The following MYCBP2 variants were observed in gnomAD, a reference collection of about 807,000 sequenced individuals.
MYCBP2 encodes the protein E3 ubiquitin-protein ligase MYCBP2.
MYCBP2 carries 120 observed loss-of-function variants against 525.3 expected under a neutral mutation model. The ratio of observed to expected loss-of-function variants is 0.23; its 90% CI spans 0.20 to 0.27. The LOEUF (loss-of-function observed/expected upper bound fraction) is 0.27. MYCBP2 is among the 10% of genes least tolerant of loss of function. The pLI is 1.00. For synonymous variants in MYCBP2, 1,894 were observed against 1,955.8 expected (o/e 0.97, Z 0.83); for missense variants, 4,149 against 5,657.1 (o/e 0.73, Z 8.55).
intron 54 of MYCBP2, among the ~76,000 whole-genome samples, chr13:77,123,354 A>G (rs1339651854): frequency 6.6e-6 from 1 of 152,216 alleles, no homozygotes; most frequent in Non-Finnish European, 1.5e-5. Flanking sequence ...ATTACAGAGA[A>G]AAATTTAAAC....
chr13:77,204,359 C>T (rs1270192578), intron 26 of MYCBP2, among the ~76,000 whole-genome samples: 4 of 147,470 alleles, frequency 2.7e-5, no homozygotes, highest in East Asian at 4.0e-4. Flanking sequence ...TACCATCTCA[C>T]ACCAGTTAGA....
At chr13:77,057,178 C>G in intron 78 of MYCBP2, 85 bp from the exon 79 acceptor site, 1 of 894,466 alleles carries the variant, frequency 1.1e-6, no homozygotes, top group Non-Finnish European at 1.8e-6. Flanking sequence ...ATGCAAGGCA[C>G]TACTTAAAGC....
intron 76 of MYCBP2, among the ~76,000 whole-genome samples, chr13:77,059,879 A>C (rs2038952131): frequency 6.6e-6 from 1 of 152,194 alleles, no homozygotes; most frequent in Non-Finnish European, 1.5e-5. Context: ...TGAAAGAAAC[A>C]GACTAGACTT....
chr13:77,259,362 T>C (rs1041898456), intron 13 of MYCBP2, among the ~76,000 whole-genome samples: 1 of 152,166 alleles, frequency 6.6e-6, no homozygotes, highest in African/African-American at 2.4e-5. Flanking sequence ...CAACTGTCTC[T>C]CGGATCCTCA....
At chr13:77,132,485 T>A (rs918990538) in intron 52 of MYCBP2, among the ~76,000 whole-genome samples, 2 of 152,106 alleles carry the variant, frequency 1.3e-5, no homozygotes, top group African/African-American at 4.8e-5. Flanking sequence ...TCAGTATACT[T>A]TCTATATGTG....
chr13:77,152,301 T>C (rs1162053914), intron 46 of MYCBP2, among the ~76,000 whole-genome samples: 1 of 152,184 alleles, frequency 6.6e-6, no homozygotes, highest in Non-Finnish European at 1.5e-5. Context: ...ATTTAAAAAA[T>C]GGCAGTTTAC....
At chr13:77,257,534 TA>T in intron 14 of MYCBP2, 136 bp downstream of exon 14, 9 of 893,846 alleles carry the variant, frequency 1.0e-5, no homozygotes, top group Admixed American at 2.9e-5. Context: ...ATAAAATTTT[TA>T]AAAAAAATTT....
chr13:77,092,799 T>C (rs2045654814), intron 59 of MYCBP2, among the ~76,000 whole-genome samples: 1 of 152,182 alleles, frequency 6.6e-6, no homozygotes, highest in African/African-American at 2.4e-5. Context: ...ACTCTGATAC[T>C]ACCATACCTA....
At chr13:77,056,838 T>C (rs541429238) in intron 79 of MYCBP2, 148 bp downstream of exon 79, 2 of 614,596 alleles carry the variant, frequency 3.3e-6, no homozygotes, top group South Asian at 4.0e-5. Context: ...AGAGAGATTA[T>C]ATTCTCAGGT....
chr13:77,205,438 G>A (rs1229101910), intron 25 of MYCBP2, 35 bp downstream of exon 25: 2 of 1,611,902 alleles, frequency 1.2e-6, no homozygotes, highest in East Asian at 2.2e-5. Context: ...TATTTCAGTT[G>A]TAAGACAACA....
chr13:77,269,922 G>A, intron 7 of MYCBP2, 70 bp downstream of exon 7: 1 of 1,161,178 alleles, frequency 8.6e-7, no homozygotes, highest in Non-Finnish European at 1.3e-6. Flanking sequence ...TGATATTACT[G>A]ATTAAACAAG....
At position 77,206,660 on chromosome 13, in the gene MYCBP2, G is replaced by C; in HGVS notation, c.3582C>G (p.His1194Gln). ...ATCAAATCGCAACCCTACCTAAAAT[G>C]TGCAAAGCTGCATGAGATCGGGTAG... ...ALTTRSHAAL[H>Q]ILGCLDTLAA... The change falls in exon 24 of 83, where the codon CAC (histidine) becomes CAG (glutamine). Residue 1194 changes from histidine to glutamine, a missense_variant. Physicochemically the swap from His to Gln is conservative, Grantham distance 24. This residue lies in a region of MYCBP2 where 620 missense variants were observed against 795.5 expected (regional missense o/e 0.78). Transcript: ENST00000544440. 6.3e-7 allele frequency: 1 copy of C among 1,592,494 alleles called. No individual in the cohort carries two copies. Among genetic ancestry groups the C allele is most frequent in the Non-Finnish European group, 8.6e-7 (1 of 1,169,062 alleles).
chr13:77,099,617 C>A (rs1377167412), intron 55 of MYCBP2: 1 of 152,808 alleles, frequency 6.5e-6, no homozygotes, highest in African/African-American at 2.4e-5. Context: ...TGCCCTGAAG[C>A]TGTTATTTAA....
chr13:77,323,617 G>A (rs2081954099), intron 1 of MYCBP2, among the ~76,000 whole-genome samples: 1 of 152,184 alleles, frequency 6.6e-6, no homozygotes, highest in South Asian at 2.1e-4. Context: ...ATTATGAGTT[G>A]TCTATTTCTC....
rs146119710 is a variant in MYCBP2, at chr13:77,326,530, G to T, written c.246C>A (p.Thr82=). The T allele has an allele frequency of 6.3e-7, 1 of 1,598,900 alleles. No homozygotes were observed. The highest frequency in any genetic ancestry group is 8.5e-7 in the Non-Finnish European group (1 of 1,173,168). ...ALADRYRRIY[T]AALNDRDQGG... Reference sequence around the variant, plus strand: ...CCTGGTCCCTGTCATTGAGCGCAGCGGTATAAATCCTCCGGTAGCGGTCGG... The same window carrying T: ...CCTGGTCCCTGTCATTGAGCGCAGCTGTATAAATCCTCCGGTAGCGGTCGG... The change falls in exon 1 of 83, where the codon ACC becomes ACA. Residue 82 remains threonine (T), a synonymous_variant. Transcript: ENST00000544440. The surrounding 1 kb of genome is among the most constrained non-coding windows in gnomAD (Gnocchi z 4.2).
intron 3 of MYCBP2, among the ~76,000 whole-genome samples, chr13:77,285,489 A>G (rs1156758939): frequency 1.3e-5 from 2 of 152,216 alleles, no homozygotes; most frequent in African/African-American, 4.8e-5. Context: ...GTTTTAGGTT[A>G]AAGAAAGAAG....
intron 49 of MYCBP2, among the ~76,000 whole-genome samples, chr13:77,141,746 G>A (rs1404477053): frequency 2.0e-5 from 3 of 146,782 alleles, no homozygotes; most frequent in Non-Finnish European, 3.0e-5. Flanking sequence ...ATTCCAGCCT[G>A]TGCAACAGAG....
Position 77,186,802 on chromosome 13 carries a change from ATTT to A in MYCBP2, c.4252-742_4252-740del, listed in dbSNP as rs5804893. Among the ~76,000 whole-genome samples the A allele has an allele frequency of 1.8e-3, 221 of 120,448 alleles. 3 individuals are homozygous for A. Among genetic ancestry groups the A allele is most frequent in the African/African-American group, 6.0e-3 (195 of 32,516 alleles). The allele number at this position is 120,448 out of a possible 152,430, so 79.0% of individuals were successfully genotyped here. On this transcript the variant is annotated intron_variant, in intron 30 of 82. Transcript: ENST00000544440. ...TCCTGAAAACGAGTTTATAGATTCA[ATTT>A]TTTTTTTTTTTTTTTTTTGAGATAG...
intron 80 of MYCBP2, among the ~76,000 whole-genome samples, chr13:77,052,701 T>C (rs899285445): frequency 2.6e-5 from 4 of 152,258 alleles, no homozygotes; most frequent in African/African-American, 9.6e-5. Flanking sequence ...TTTTAATAAA[T>C]ATGCTTAGCA....
Sources: gnomAD v4.1 joint callset for allele counts (sites outside exome capture counted in the v4.1 genomes callset) on GRCh38, gnomAD v4.1.1 for gene constraint, gnomAD v4.1.1 regional missense constraint, Gnocchi (gnomAD v3.1) non-coding constraint, MANE v1.5 for transcripts, NCBI Gene and HGNC (gene_info 2026-07-23, HGNC 2026-07-21) for gene names.